GPC3: variants seen among roughly 807,000 people sequenced by gnomAD.
The protein encoded by GPC3 is glypican 3.
Under a neutral mutation model 34.4 loss-of-function variants are expected in GPC3, and 3 were observed. That is an observed-to-expected ratio of 0.09 (90% CI 0.04 to 0.23). GPC3 has a LOEUF of 0.23. Ranked by LOEUF, GPC3 falls within the 10% of genes least tolerant of loss-of-function variation. The pLI is 1.00. For missense variants in GPC3, 351 were observed against 445.6 expected (o/e 0.79, Z 1.91); for synonymous variants, 177 against 174.0 (o/e 1.02, Z -0.13).
chrX:133,772,754 T>C (rs1035525837), intron 2 of GPC3, among the ~76,000 whole-genome samples: 1 of 111,834 alleles, frequency 8.9e-6, no homozygotes, highest in African/African-American at 3.2e-5. Flanking sequence ...GACCAGGCAC[T>C]ATTTCAAGTG....
At chrX:133,623,480 G>A (rs1386255119) in intron 6 of GPC3, among the ~76,000 whole-genome samples, 1 of 110,819 alleles carries the variant, frequency 9.0e-6, no homozygotes, top group East Asian at 2.8e-4. Flanking sequence ...CCAAGCAAAT[G>A]GAAAACAAAA....
At chrX:133,927,797 T>C (rs1306725111) in intron 2 of GPC3, among the ~76,000 whole-genome samples, 1 of 109,220 alleles carries the variant, frequency 9.2e-6, no homozygotes, top group African/African-American at 3.3e-5. Flanking sequence ...TTTTACTCTC[T>C]ATATTTCTTT....
intron 2 of GPC3, among the ~76,000 whole-genome samples, chrX:133,868,753 C>G (rs776631463): frequency 4.4e-4 from 49 of 111,261 alleles, no homozygotes; most frequent in Non-Finnish European, 7.7e-4. Flanking sequence ...CAAGTCAACC[C>G]TCACTTTCTC....
At chrX:133,590,448 C>T (rs1469622397) in intron 7 of GPC3, among the ~76,000 whole-genome samples, 1 of 110,703 alleles carries the variant, frequency 9.0e-6, no homozygotes, top group Admixed American at 9.6e-5. Context: ...CAATTAAATT[C>T]AACAATCAGA....
At chrX:133,716,291 C>T (rs1296016785) in intron 3 of GPC3, among the ~76,000 whole-genome samples, 1 of 111,318 alleles carries the variant, frequency 9.0e-6, no homozygotes. Flanking sequence ...AAGCATGGCC[C>T]ATCCACAGGA....
At chrX:133,724,397 G>A (rs747980550) in intron 3 of GPC3, among the ~76,000 whole-genome samples, 200 of 112,153 alleles carry the variant, frequency 1.8e-3, no homozygotes, top group African/African-American at 6.0e-3. Context: ...AGAATGAATC[G>A]TCTCAAGTGA....
intron 5 of GPC3, chrX:133,671,533 G>A (rs961050898): frequency 8.0e-6 from 3 of 374,442 alleles, no homozygotes; most frequent in Admixed American, 9.3e-5. Context: ...GAGGGTGCTA[G>A]AAACAGATAT....
At chrX:133,823,981 A>G (rs1471451486) in intron 2 of GPC3, among the ~76,000 whole-genome samples, 1 of 110,096 alleles carries the variant, frequency 9.1e-6, no homozygotes, top group African/African-American at 3.3e-5. Context: ...CTCAAAAAAA[A>G]AAAAAAAATT....
chrX:133,923,078 A>G (rs1193038040), intron 2 of GPC3, among the ~76,000 whole-genome samples: 1 of 111,096 alleles, frequency 9.0e-6, no homozygotes, highest in Non-Finnish European at 1.9e-5. Context: ...GACTTCCAAC[A>G]AGAAGCCTTA....
At chrX:133,868,122 A>G (rs1282811400) in intron 2 of GPC3, among the ~76,000 whole-genome samples, 1 of 111,908 alleles carries the variant, frequency 8.9e-6, no homozygotes, top group Non-Finnish European at 1.9e-5. Flanking sequence ...AAAAACGCGG[A>G]AGGTCCACTG....
At chrX:133,592,084 T>G (rs1412085171) in intron 7 of GPC3, among the ~76,000 whole-genome samples, 2 of 111,331 alleles carry the variant, frequency 1.8e-5, no homozygotes, top group Non-Finnish European at 3.8e-5. Context: ...CTGCCCTTTG[T>G]GAATGTGACT....
chrX:133,763,712 A>T, intron 2 of GPC3: 1 of 505,250 alleles, frequency 2.0e-6, no homozygotes, highest in East Asian at 3.5e-5. Flanking sequence ...CTTAAGCAAC[A>T]TGGAAATAAG....
intron 2 of GPC3, among the ~76,000 whole-genome samples, chrX:133,940,259 C>T (rs1162877436): frequency 9.0e-6 from 1 of 110,759 alleles, no homozygotes; most frequent in Non-Finnish European, 1.9e-5. Context: ...TTCTCCATTA[C>T]TGTACAGATT....
chrX:133,818,205 T>C (rs1191424293), intron 2 of GPC3, among the ~76,000 whole-genome samples: 1 of 111,520 alleles, frequency 9.0e-6, no homozygotes, highest in Non-Finnish European at 1.9e-5. Flanking sequence ...CCAAGATCAA[T>C]ACCAATTTTT....
rs181776741 is a variant in GPC3 at position 133,701,907 on chromosome X, T to C, written c.1033-1879A>G. On this transcript the variant is annotated intron_variant, in intron 3 of 7. Coordinates refer to ENST00000370818, the MANE Select transcript of GPC3 (RefSeq NM_004484.4). ...TCACCTTCATTTATAAAAGATAGCA[T>C]CTATAGTTTGATATTCAGATGAGCT... is the stretch of plus-strand genomic sequence containing the variant. Among the ~76,000 whole-genome samples, 16 of 112,410 alleles carry C rather than the reference T, an allele frequency of 1.4e-4. No homozygotes were observed. The East Asian group carries it at 4.5e-3, about 31-fold the overall frequency.
In GPC3 at chrX:133,908,732, T is replaced by TA. The variant is rs746596685; in HGVS notation, c.337+44317dup. ...AATACAGCCTAAAATTGTTTTTGCTTAAAAAAAAAAATAAGCTACACCACA... is the reference window on the plus strand; with the variant it reads ...AATACAGCCTAAAATTGTTTTTGCTTAAAAAAAAAAAATAAGCTACACCACA... On this transcript the variant is annotated intron_variant, in intron 2 of 7. Transcript: ENST00000370818. Among the ~76,000 whole-genome samples the TA allele has an allele frequency of 6.5e-3, 686 of 105,923 alleles. 1 individual carries two copies. Among genetic ancestry groups the TA allele is most frequent in the African/African-American group, 0.017 (485 of 29,366 alleles). The allele number at this position is 105,923 out of a possible 115,157, so 92.0% of individuals were successfully genotyped here.
chrX:133,594,183 T>C (rs2069886328), intron 7 of GPC3, among the ~76,000 whole-genome samples: 1 of 112,093 alleles, frequency 8.9e-6, no homozygotes. Context: ...GGGGGCCTAA[T>C]TGCATTTAAG....
At chrX:133,977,688 A>C (rs895964430) in intron 1 of GPC3, among the ~76,000 whole-genome samples, 6 of 111,853 alleles carry the variant, frequency 5.4e-5, no homozygotes, top group Admixed American at 1.9e-4. Flanking sequence ...GTATGCAAAT[A>C]GAATTCTGAT....
At chrX:133,641,543 G>C (rs1006754313) in intron 6 of GPC3, among the ~76,000 whole-genome samples, 5 of 110,599 alleles carry the variant, frequency 4.5e-5, no homozygotes, top group African/African-American at 1.6e-4. Flanking sequence ...GTAGAGAATA[G>C]AAAGAGAGAG....
Sources: allele counts gnomAD v4.1 joint callset (sites outside exome capture counted in the v4.1 genomes callset), GRCh38; gene constraint gnomAD v4.1.1; transcripts MANE v1.5; gene names NCBI Gene and HGNC (gene_info 2026-07-23, HGNC 2026-07-21).